The following HECW2 variants were observed in gnomAD, a reference collection of about 807,000 sequenced individuals.
HECW2 encodes HECT, C2 and WW domain containing E3 ubiquitin protein ligase 2, also known as E3 ubiquitin-protein ligase HECW2.
A neutral mutation model predicts 175.2 loss-of-function variants in HECW2; 61 were observed. That is an observed-to-expected ratio of 0.35 (90% confidence interval 0.28 to 0.43). HECW2 has a LOEUF of 0.43. Ranked by LOEUF, HECW2 falls within the 20% of genes least tolerant of loss-of-function variation. HECW2 has a pLI of 1.00. For missense variants in HECW2, 1,524 were observed against 2,000.5 expected, an observed-to-expected ratio of 0.76 and a Z score of 4.54; for synonymous variants, 671 against 731.0, an observed-to-expected ratio of 0.92 and a Z score of 1.32.
chr2:196,399,341 AAAC>A (rs1559087901), intron 2 of HECW2, among the ~76,000 whole-genome samples: 1 of 152,232 alleles, frequency 6.6e-6, no homozygotes, highest in Non-Finnish European at 1.5e-5. Flanking sequence ...GGTTAAAGTA[AAAC>A]AAGACTTCAA....
intron 28 of HECW2, among the ~76,000 whole-genome samples, chr2:196,204,660 G>A (rs968741568): frequency 3.3e-5 from 5 of 152,210 alleles, no homozygotes; most frequent in Admixed American, 2.6e-4. Flanking sequence ...AAAACAGTGA[G>A]ATCATAAATG....
intron 1 of HECW2, among the ~76,000 whole-genome samples, chr2:196,491,501 TACACACACAC>T (rs56806806): frequency 2.4e-5 from 3 of 125,944 alleles, no homozygotes; most frequent in Admixed American, 8.0e-5. Context: ...TATATATATA[TACACACACAC>T]ACACACACAC....
intron 23 of HECW2, among the ~76,000 whole-genome samples, chr2:196,225,301 AAAAACAAAACC>A (rs1374842039): frequency 1.3e-5 from 2 of 152,246 alleles, no homozygotes; most frequent in African/African-American, 4.8e-5. Flanking sequence ...CAAACAAATA[AAAAACAAAACC>A]AAAACAAAGG....
intron 28 of HECW2, among the ~76,000 whole-genome samples, chr2:196,211,250 G>A (rs144692403): frequency 6.6e-6 from 1 of 152,328 alleles, no homozygotes; most frequent in East Asian, 1.9e-4. Flanking sequence ...AGACAGGACT[G>A]CTCTGCAGTT....
At chr2:196,448,298 C>T (rs1429415945) in intron 1 of HECW2, among the ~76,000 whole-genome samples, 2 of 152,060 alleles carry the variant, frequency 1.3e-5, no homozygotes, top group African/African-American at 2.4e-5. Flanking sequence ...GTCTATCCTC[C>T]GCTCCCATCC....
intron 13 of HECW2, among the ~76,000 whole-genome samples, chr2:196,296,261 T>A (rs897167894): frequency 1.3e-5 from 2 of 152,170 alleles, no homozygotes; most frequent in South Asian, 4.1e-4. Context: ...CTGTCACTCA[T>A]AGAGACAAAG....
chr2:196,290,054 G>C (rs141826732), intron 14 of HECW2: 1 of 152,280 alleles, frequency 6.6e-6, no homozygotes, highest in Non-Finnish European at 1.5e-5. Flanking sequence ...CTGTTAATCT[G>C]TCTTGTCCAC....
chr2:196,559,341 G>A (rs778752681), intron 1 of HECW2, among the ~76,000 whole-genome samples: 1 of 152,176 alleles, frequency 6.6e-6, no homozygotes, highest in Non-Finnish European at 1.5e-5. Context: ...TCAGAAACAC[G>A]TGGGGATGTC....
intron 28 of HECW2, among the ~76,000 whole-genome samples, chr2:196,205,612 G>C (rs1687039479): frequency 6.6e-6 from 1 of 152,100 alleles, no homozygotes; most frequent in Non-Finnish European, 1.5e-5. Context: ...TCAATCTCAG[G>C]CTTAATAGAA....
chr2:196,294,357 T>C (rs548887540), intron 13 of HECW2, among the ~76,000 whole-genome samples: 124 of 152,342 alleles, frequency 8.1e-4, no homozygotes, highest in Non-Finnish European at 2.4e-4. Flanking sequence ...ATCCTGGAAC[T>C]CTATTCTTCT....
At chr2:196,566,313 G>C (rs1003110702) in intron 1 of HECW2, among the ~76,000 whole-genome samples, 1 of 150,250 alleles carries the variant, frequency 6.7e-6, no homozygotes, top group African/African-American at 2.4e-5. Context: ...AGATGTTATG[G>C]TGCTGTAATA....
At chr2:196,573,062 T>C (rs369941397) in intron 1 of HECW2, among the ~76,000 whole-genome samples, 30 of 151,990 alleles carry the variant, frequency 2.0e-4, no homozygotes, top group East Asian at 1.7e-3. Flanking sequence ...GAAAAACAGA[T>C]GACAAAGATG....
intron 1 of HECW2, among the ~76,000 whole-genome samples, chr2:196,492,840 T>A (rs1687248582): frequency 6.6e-6 from 1 of 152,174 alleles, no homozygotes; most frequent in East Asian, 1.9e-4. Context: ...TTAACAAAAA[T>A]TTCATAAACA....
intron 2 of HECW2, among the ~76,000 whole-genome samples, chr2:196,383,721 G>C (rs1363935585): frequency 1.3e-5 from 2 of 152,184 alleles, no homozygotes; most frequent in African/African-American, 4.8e-5. Flanking sequence ...TTGAAAGCTA[G>C]GCTGAGGTGG....
At chr2:196,345,577 C>T (rs749774678) in intron 2 of HECW2, among the ~76,000 whole-genome samples, 5 of 152,198 alleles carry the variant, frequency 3.3e-5, no homozygotes, top group South Asian at 2.1e-4. Flanking sequence ...AGAAGCAAGA[C>T]GCAATCAGGA....
chr2:196,549,124 T>C (rs888179741), intron 1 of HECW2, among the ~76,000 whole-genome samples: 2 of 152,196 alleles, frequency 1.3e-5, no homozygotes, highest in Admixed American at 6.5e-5. Flanking sequence ...AGTCATTTTA[T>C]CCTCTTAAAA....
intron 1 of HECW2, among the ~76,000 whole-genome samples, chr2:196,434,833 T>C (rs1016372418): frequency 9.9e-5 from 15 of 152,192 alleles, no homozygotes; most frequent in African/African-American, 3.6e-4. Context: ...TCATATGATA[T>C]ATTTCAACAC....
intron 1 of HECW2, among the ~76,000 whole-genome samples, chr2:196,518,987 A>T (rs933816465): frequency 1.3e-5 from 2 of 152,222 alleles, no homozygotes; most frequent in African/African-American, 4.8e-5. Flanking sequence ...AGAGCTTAAC[A>T]ATTACAGTTC....
At chr2:196,354,865 A>T (rs1035968400) in intron 2 of HECW2, among the ~76,000 whole-genome samples, 1 of 152,208 alleles carries the variant, frequency 6.6e-6, no homozygotes, top group African/African-American at 2.4e-5. Context: ...AGCACAAAAA[A>T]GATTAAGAGG....
Sources: gnomAD v4.1 joint callset for allele counts (sites outside exome capture counted in the v4.1 genomes callset) on GRCh38, gnomAD v4.1.1 for gene constraint, MANE v1.5 for transcripts, NCBI Gene and HGNC (gene_info 2026-07-23, HGNC 2026-07-21) for gene names.